The following SYNE1 variants were observed in gnomAD, a reference collection of about 807,000 sequenced individuals.
SYNE1 encodes the protein nesprin-1.
A neutral mutation model predicts 1,111.0 loss-of-function variants in SYNE1; 616 were observed. That is an observed-to-expected ratio of 0.55 (90% confidence interval 0.52 to 0.59). The LOEUF (loss-of-function observed/expected upper bound fraction) is 0.59. Ranked by LOEUF, SYNE1 falls within the 20% of genes least tolerant of loss-of-function variation. The pLI is 0.00. For missense variants in SYNE1, 10,006 were observed against 10,417.0 expected, an observed-to-expected ratio of 0.96 and a Z score of 1.72; for synonymous variants, 3,855 against 3,825.8, an observed-to-expected ratio of 1.01 and a Z score of -0.28.
intron 8 of SYNE1, among the ~76,000 whole-genome samples, chr6:152,507,598 C>T (rs961590123): frequency 2.0e-5 from 3 of 152,124 alleles, no homozygotes; most frequent in East Asian, 1.9e-4. Flanking sequence ...AAGAAAGACA[C>T]AGCATTTAAA....
chr6:152,122,787 GC>G (rs2051765305), intron 145 of SYNE1, 111 bp from the exon 146 acceptor site: 1 of 1,548,512 alleles, frequency 6.5e-7, no homozygotes, highest in African/African-American at 1.4e-5. Flanking sequence ...GCACACCCCA[GC>G]CTGGCGATCA....
intron 42 of SYNE1, chr6:152,410,477 A>C (rs776356758): frequency 6.6e-6 from 1 of 152,192 alleles, no homozygotes; most frequent in Non-Finnish European, 1.5e-5. Context: ...TGATGCCTGT[A>C]ATCCTAGCAC....
At chr6:152,615,488 A>G (rs1449128729) in intron 3 of SYNE1, among the ~76,000 whole-genome samples, 1 of 152,146 alleles carries the variant, frequency 6.6e-6, no homozygotes, top group African/African-American at 2.4e-5. Context: ...CAAATATATC[A>G]GAAATAACAT....
Position 152,211,536 on chromosome 6 carries a change from A to G in SYNE1, c.22547T>C (p.Ile7516Thr), listed in dbSNP as rs190781696. 29 of 1,613,976 alleles carry G rather than the reference A, an allele frequency of 1.8e-5. No individual in the cohort carries two copies. The African/African-American group carries it at 1.9e-4, about 10-fold the overall frequency. Reference sequence around the variant, plus strand: ...TTGTTCTAGAAGACGTTGCCCATCAATAATGATTGAGTGCAAAATCTGCTG... The same window carrying G: ...TTGTTCTAGAAGACGTTGCCCATCAGTAATGATTGAGTGCAAAATCTGCTG... ...SRQQILHSII[I>T]DGQRLLEQGQ... Residue 7516 changes from isoleucine (I) to threonine (T), a missense_variant, in exon 124 of 146, where the codon ATT becomes ACT. Transcript: ENST00000367255.
In SYNE1 at chr6:152,331,635, C is replaced by A. The variant is rs34464554; in HGVS notation, c.13050G>T (p.Gln4350His). The change falls in exon 78 of 146, where the codon CAG becomes CAT. Residue 4350 changes from glutamine to histidine, a missense_variant. Gln to His is a conservative substitution (Grantham distance 24). Transcript: ENST00000367255. ...ACTCCATTAGCTCCTGAAATCTGGA[C>A]TGCACCACATTTAACTCCTCCAAGT... Reference protein sequence around the residue: ...VTNLEELNVVQSRFQELMEWA... With the variant: ...VTNLEELNVVHSRFQELMEWA... 1.9e-6 allele frequency: 3 copies of A among 1,614,058 alleles called. No homozygotes were observed. Among genetic ancestry groups the A allele is most frequent in the Non-Finnish European group, 2.5e-6 (3 of 1,180,044 alleles).
chr6:152,137,935 G>A (rs971931374), intron 140 of SYNE1, among the ~76,000 whole-genome samples: 2 of 152,108 alleles, frequency 1.3e-5, no homozygotes, highest in Admixed American at 1.3e-4. Context: ...GACTTTCAAG[G>A]TCTTATTTCC....
intron 98 of SYNE1, among the ~76,000 whole-genome samples, chr6:152,271,611 T>A (rs913696686): frequency 1.6e-4 from 25 of 152,368 alleles, no homozygotes; most frequent in African/African-American, 5.8e-4. Context: ...CTCCCAGAAC[T>A]GGAACCCATG....
intron 127 of SYNE1, among the ~76,000 whole-genome samples, chr6:152,199,902 C>T (rs2075052578): frequency 6.6e-6 from 1 of 152,198 alleles, no homozygotes; most frequent in African/African-American, 2.4e-5. Flanking sequence ...GTGTTTGTAA[C>T]TGTCATGTTT....
chr6:152,613,242 G>C (rs1280161704), intron 3 of SYNE1, among the ~76,000 whole-genome samples: 1 of 152,140 alleles, frequency 6.6e-6, no homozygotes, highest in Admixed American at 6.5e-5. Flanking sequence ...TGTATATTTA[G>C]AAAACCCCAT....
intron 24 of SYNE1, among the ~76,000 whole-genome samples, chr6:152,454,084 G>A (rs2098675047): frequency 6.6e-6 from 1 of 152,226 alleles, no homozygotes; most frequent in African/African-American, 2.4e-5. Context: ...CAGAACAGAA[G>A]CCAGGACTAA....
At chr6:152,538,931 A>AT (rs1291239104) in intron 4 of SYNE1, among the ~76,000 whole-genome samples, 2 of 152,062 alleles carry the variant, frequency 1.3e-5, no homozygotes, top group African/African-American at 4.8e-5. Context: ...TGTTTTACTA[A>AT]TTTTTTCCTG....
chr6:152,348,933 G>A (rs1239366910), intron 72 of SYNE1, among the ~76,000 whole-genome samples: 1 of 152,294 alleles, frequency 6.6e-6, no homozygotes, highest in African/African-American at 2.4e-5. Flanking sequence ...CTGTCTCTGA[G>A]TTGGAACAGA....
rs375097544 is a variant in SYNE1, at chr6:152,316,872, G to A, written c.16687C>T (p.Arg5563Trp). ...TIAWNSASQL[R>W]EQYILHQTLL... is the part of the protein sequence containing the mutation. ...ACCTGATGCAAAATATATTGTTCCC[G>A]AAGCTGGCTTGCAGAATTCCATGCA... The change falls in exon 87 of 146, where the codon CGG (arginine) becomes TGG (tryptophan). Residue 5563 changes from arginine (R) to tryptophan (W), a missense_variant. Physicochemically the swap from Arg to Trp is moderately radical, Grantham distance 101. Around this residue, in one of 7 missense-constraint regions of SYNE1, gnomAD observed 4,955 missense variants for 5,017.2 expected, o/e 0.99. Coordinates refer to ENST00000367255, the MANE Select transcript of SYNE1 (RefSeq NM_182961.4). The A allele has an allele frequency of 3.0e-5, 49 of 1,613,944 alleles. No homozygotes were observed. In the African/African-American group the frequency reaches 4.9e-4, roughly 16 times the overall value.
intron 141 of SYNE1, 34 bp from the exon 142 acceptor site, chr6:152,135,266 A>C (rs1313472182): frequency 6.2e-7 from 1 of 1,604,168 alleles, no homozygotes; most frequent in Non-Finnish European, 8.5e-7. Context: ...CTGTAAATAA[A>C]ATATTTTTAT....
intron 39 of SYNE1, among the ~76,000 whole-genome samples, chr6:152,424,265 C>T (rs1592399759): frequency 1.3e-5 from 2 of 152,350 alleles, no homozygotes; most frequent in South Asian, 4.1e-4. Flanking sequence ...CAAAGTTCAA[C>T]TGTTAAATCA....
intron 142 of SYNE1, 50 bp from the exon 143 acceptor site, chr6:152,133,538 C>A: frequency 6.4e-7 from 1 of 1,551,832 alleles, no homozygotes; most frequent in Non-Finnish European, 8.8e-7. Flanking sequence ...TGATAATTGG[C>A]AAAAGCTCCA....
At position 152,488,340 on chromosome 6, in the gene SYNE1, T is replaced by C. The variant is rs2098952073; in HGVS notation, c.1047+56A>G. The C allele has an allele frequency of 5.5e-6, 5 of 905,256 alleles. No homozygotes were observed. In the South Asian group the frequency reaches 7.0e-5, roughly 13 times the overall value. 56.1% of individuals were successfully genotyped at this position (905,256 alleles called of 1,614,324 possible). A position where few individuals can be genotyped will look rare whatever the true frequency, so the allele number is the denominator to read the frequency against. On this transcript the variant is annotated intron_variant, in intron 12 of 145. Transcript: ENST00000367255. ...TTAAATGGAGATCAAATGACATATATAAATATTAGTCAAAAATAGCTTTTG... is the reference window on the plus strand; with the variant it reads ...TTAAATGGAGATCAAATGACATATACAAATATTAGTCAAAAATAGCTTTTG...
At chr6:152,455,360 T>C in intron 24 of SYNE1, 66 bp downstream of exon 24, 4 of 1,550,188 alleles carry the variant, frequency 2.6e-6, no homozygotes, top group Non-Finnish European at 3.5e-6. Flanking sequence ...ATGCCTTTTT[T>C]AAGCTTTCCT....
chr6:152,623,329 C>A (rs1744375), intron 3 of SYNE1, among the ~76,000 whole-genome samples: 1 of 151,812 alleles, frequency 6.6e-6, no homozygotes, highest in Non-Finnish European at 1.5e-5. Context: ...CTCTTCCTTA[C>A]CCCATATACA....
Sources: allele counts gnomAD v4.1 joint callset (sites outside exome capture counted in the v4.1 genomes callset), GRCh38; gene constraint gnomAD v4.1.1; regional missense constraint gnomAD v4.1.1; transcripts MANE v1.5; gene names NCBI Gene and HGNC (gene_info 2026-07-23, HGNC 2026-07-21).